The following JPH1 variants were observed in gnomAD, a reference collection of about 807,000 sequenced individuals.
JPH1 encodes the protein junctophilin 1.
A neutral mutation model predicts 53.6 loss-of-function variants in JPH1; 12 were observed. The observed-to-expected ratio is 0.22, with a 90% CI of 0.14 to 0.36. The LOEUF is 0.36. Among genes scored for constraint, JPH1 ranks in the 10% least tolerant of loss-of-function variants. The probability of loss-of-function intolerance (pLI) is 1.00; values close to 1 mark genes in which losing one functional copy is unlikely to be tolerated. For missense variants in JPH1, 808 were observed against 905.5 expected (o/e 0.89, Z 1.38); for synonymous variants, 375 against 363.8 (o/e 1.03, Z -0.35).
At chr8:74,294,567 C>T (rs781203897) in intron 2 of JPH1, among the ~76,000 whole-genome samples, 1 of 152,216 alleles carries the variant, frequency 6.6e-6, no homozygotes, top group Non-Finnish European at 1.5e-5. Flanking sequence ...TTTGGTGATG[C>T]TCCCACACAT....
Position 74,315,725 on chromosome 8 carries a change from C to A in JPH1, c.380-105G>T. ...CAGGCCTGCCCAAGGTCAAATCTGACCCATTTCCAAGTCAACCCTGGGGGA... is the reference window on the plus strand; with the variant it reads ...CAGGCCTGCCCAAGGTCAAATCTGAACCATTTCCAAGTCAACCCTGGGGGA... On this transcript the variant is annotated intron_variant, in intron 1 of 5. Coordinates refer to ENST00000342232, the MANE Select transcript of JPH1 (RefSeq NM_020647.4). The surrounding 1 kb of genome is among the most constrained non-coding windows in gnomAD (Gnocchi z 6.3). 1 of 1,162,100 alleles carries A rather than the reference C, an allele frequency of 8.6e-7. No homozygotes were observed. Among genetic ancestry groups the A allele is most frequent in the Admixed American group, 3.2e-5 (1 of 31,232 alleles). The allele number at this position is 1,162,100 out of a possible 1,614,324, so 72.0% of individuals were successfully genotyped here.
At chr8:74,279,083 C>T (rs1644308961) in intron 2 of JPH1, among the ~76,000 whole-genome samples, 1 of 152,180 alleles carries the variant, frequency 6.6e-6, no homozygotes, top group Admixed American at 6.5e-5. Context: ...TCTGGAAACA[C>T]TGGTATGTGG....
chr8:74,286,321 G>C (rs1807163041), intron 2 of JPH1, among the ~76,000 whole-genome samples: 1 of 151,966 alleles, frequency 6.6e-6, no homozygotes, highest in Non-Finnish European at 1.5e-5. Flanking sequence ...CATTTATGGG[G>C]TACAGTGTGA....
In JPH1 at chr8:74,244,829, G is replaced by A. The variant is rs1213357925; in HGVS notation, c.1605C>T (p.Arg535=). 1.9e-6 allele frequency: 3 copies of A among 1,614,072 alleles called. No individual in the cohort carries two copies. The highest frequency in any genetic ancestry group is 2.5e-6 in the Non-Finnish European group (3 of 1,180,042). The change falls in exon 4 of 6, where the codon CGC becomes CGT. Residue 535 remains arginine (R), a synonymous_variant. Coordinates refer to ENST00000342232, the MANE Select transcript of JPH1 (RefSeq NM_020647.4). ...AVVPQSKYSG[R]HHIPNPSNGE... Reference sequence around the variant, plus strand: ...CGTTACTGGGGTTGGGGATGTGGTGGCGGCCAGAGTACTTGGACTGGGGCA... The same window carrying A: ...CGTTACTGGGGTTGGGGATGTGGTGACGGCCAGAGTACTTGGACTGGGGCA...
intron 4 of JPH1, among the ~76,000 whole-genome samples, chr8:74,238,535 G>A (rs145639284): frequency 1.3e-5 from 2 of 152,278 alleles, no homozygotes; most frequent in East Asian, 1.9e-4. Context: ...ACAGTGGCAG[G>A]GGCCTTGTCT....
chr8:74,238,374 C>A (rs1472274400), intron 4 of JPH1, among the ~76,000 whole-genome samples: 2 of 152,192 alleles, frequency 1.3e-5, no homozygotes, highest in Non-Finnish European at 2.9e-5. Context: ...GGTCACACAT[C>A]ATTGACTCAA....
At chr8:74,250,904 C>T (rs1040615062) in intron 3 of JPH1, among the ~76,000 whole-genome samples, 12 of 152,152 alleles carry the variant, frequency 7.9e-5, no homozygotes, top group Non-Finnish European at 1.8e-4. Flanking sequence ...TCACATAGGT[C>T]AGGGGACTCA....
chr8:74,317,243 G>A (rs1302281424), intron 1 of JPH1, among the ~76,000 whole-genome samples: 1 of 152,090 alleles, frequency 6.6e-6, no homozygotes, highest in East Asian at 1.9e-4. Context: ...TTCTCTTTTT[G>A]TTCATTCTGG....
intron 2 of JPH1, among the ~76,000 whole-genome samples, chr8:74,301,877 AAAT>A (rs1419292017): frequency 2.6e-5 from 4 of 152,246 alleles, no homozygotes; most frequent in African/African-American, 9.6e-5. Context: ...GTCTATGACT[AAAT>A]AATACTGTTC....
chr8:74,291,691 G>T (rs1445189337), intron 2 of JPH1, among the ~76,000 whole-genome samples: 1 of 152,138 alleles, frequency 6.6e-6, no homozygotes, highest in Non-Finnish European at 1.5e-5. Flanking sequence ...TGTTTACTGT[G>T]GTACTATTGA....
At chr8:74,242,151 C>G (rs149325400) in intron 4 of JPH1, among the ~76,000 whole-genome samples, 74 of 152,278 alleles carry the variant, frequency 4.9e-4, no homozygotes, top group African/African-American at 1.7e-3. Context: ...CTGTGTTAGT[C>G]TCCATCCCAG....
chr8:74,277,451 G>A (rs1806880939), intron 2 of JPH1, among the ~76,000 whole-genome samples: 1 of 152,168 alleles, frequency 6.6e-6, no homozygotes, highest in African/African-American at 2.4e-5. Context: ...ACATTATTTA[G>A]GATTCACAGA....
chr8:74,273,416 C>T (rs979165944), intron 2 of JPH1, among the ~76,000 whole-genome samples: 1 of 151,668 alleles, frequency 6.6e-6, no homozygotes. Flanking sequence ...TGGTTGAGTC[C>T]CAGGAAAAAT....
At chr8:74,276,338 G>A (rs1806847632) in intron 2 of JPH1, among the ~76,000 whole-genome samples, 1 of 152,184 alleles carries the variant, frequency 6.6e-6, no homozygotes, top group African/African-American at 2.4e-5. Context: ...GAAGGCAGGA[G>A]CAGGGAGATG....
At chr8:74,301,821 C>T (rs1276065235) in intron 2 of JPH1, among the ~76,000 whole-genome samples, 1 of 152,148 alleles carries the variant, frequency 6.6e-6, no homozygotes, top group East Asian at 1.9e-4. Flanking sequence ...AGATTTGTGG[C>T]TGTTGAATGA....
At chr8:74,281,946 G>A (rs991421164) in intron 2 of JPH1, among the ~76,000 whole-genome samples, 4 of 152,146 alleles carry the variant, frequency 2.6e-5, no homozygotes, top group Non-Finnish European at 5.9e-5. Flanking sequence ...ACTGGCTCTC[G>A]GAAACACGCT....
chr8:74,239,183 G>C (rs1329643754), intron 4 of JPH1, among the ~76,000 whole-genome samples: 1 of 152,020 alleles, frequency 6.6e-6, no homozygotes, highest in African/African-American at 2.4e-5. Flanking sequence ...AAACATCTCT[G>C]AGATTTTTTT....
intron 2 of JPH1, among the ~76,000 whole-genome samples, chr8:74,269,421 C>T (rs935692206): frequency 6.6e-6 from 1 of 152,252 alleles, no homozygotes; most frequent in Non-Finnish European, 1.5e-5. Flanking sequence ...AACTGCTGCT[C>T]TGTCACTCTG....
chr8:74,253,827 C>T (rs1444296634), intron 3 of JPH1, among the ~76,000 whole-genome samples: 1 of 152,068 alleles, frequency 6.6e-6, no homozygotes, highest in African/African-American at 2.4e-5. Context: ...CAAACACTCT[C>T]CCAAGACTAA....
Sources: gnomAD v4.1 joint callset for allele counts (sites outside exome capture counted in the v4.1 genomes callset) on GRCh38, gnomAD v4.1.1 for gene constraint, Gnocchi (gnomAD v3.1) non-coding constraint, MANE v1.5 for transcripts, NCBI Gene and HGNC (gene_info 2026-07-23, HGNC 2026-07-21) for gene names.